The following CSRNP3 variants were observed in gnomAD, a reference collection of about 807,000 sequenced individuals.
CSRNP3 encodes the protein cysteine/serine-rich nuclear protein 3.
Under a neutral mutation model 48.0 loss-of-function variants are expected in CSRNP3, and 12 were observed. The observed-to-expected ratio is 0.25, with a 90% CI of 0.16 to 0.41. The LOEUF (loss-of-function observed/expected upper bound fraction) is 0.41. Among genes scored for constraint, CSRNP3 ranks in the 10% least tolerant of loss-of-function variants. The pLI is 1.00. For synonymous variants in CSRNP3, 263 were observed against 269.7 expected (o/e 0.98, Z 0.24); for missense variants, 580 against 724.4 (o/e 0.80, Z 2.29).
chr2:165,471,198 A>G (rs1365902571), intron 1 of CSRNP3, among the ~76,000 whole-genome samples: 1 of 152,074 alleles, frequency 6.6e-6, no homozygotes, highest in Non-Finnish European at 1.5e-5. Context: ...GTTAAGTGTC[A>G]TAATGAACCA....
At position 165,494,886 on chromosome 2, in the gene CSRNP3, G is replaced by T; in HGVS notation, c.-155G>T. ...AAGTTTTCAGCTGTGACAGTACTGA[G>T]AGTGTTGATAGTGTCAATCGTTCAG... On this transcript the variant is annotated 5_prime_UTR_variant, in exon 2 of 7. Transcript: ENST00000651982. 6.1e-6 allele frequency: 1 copy of T among 163,666 alleles called. No individual in the cohort carries two copies. Among genetic ancestry groups the T allele is most frequent in the South Asian group, 1.8e-4 (1 of 5,542 alleles). 10.1% of individuals were successfully genotyped at this position (163,666 alleles called of 1,614,324 possible).
At chr2:165,561,851 G>T (rs1405133978) in intron 3 of CSRNP3, among the ~76,000 whole-genome samples, 3 of 151,972 alleles carry the variant, frequency 2.0e-5, no homozygotes, top group African/African-American at 7.2e-5. Flanking sequence ...ATGGGCAGGG[G>T]ATTCTCATTA....
intron 3 of CSRNP3, among the ~76,000 whole-genome samples, chr2:165,551,637 AT>A (rs1359588173): frequency 6.6e-6 from 1 of 152,222 alleles, no homozygotes; most frequent in African/African-American, 2.4e-5. Flanking sequence ...ACAAAGTTGT[AT>A]TCCCAGAGGA....
chr2:165,644,945 G>C lies in CSRNP3; in HGVS notation c.149-12816G>C, dbSNP rs1254346800. Among the ~76,000 whole-genome samples the C allele has an allele frequency of 2.0e-5, 3 of 152,226 alleles. No homozygotes were observed. The East Asian group carries it at 5.8e-4, about 29-fold the overall frequency. ...AAGTTCAAGGGCACCAGTAGATCTGGTGTCTGGTAAGGGTCCACTTCTCAT... is the reference window on the plus strand; with the variant it reads ...AAGTTCAAGGGCACCAGTAGATCTGCTGTCTGGTAAGGGTCCACTTCTCAT... On this transcript the variant is annotated intron_variant, in intron 4 of 6. Transcript: ENST00000651982.
chr2:165,649,400 A>T (rs192614299), intron 4 of CSRNP3, among the ~76,000 whole-genome samples: 1 of 152,210 alleles, frequency 6.6e-6, no homozygotes, highest in African/African-American at 2.4e-5. Context: ...AGCTAAATGG[A>T]TATGCTACCT....
chr2:165,634,113 C>A (rs565280277), intron 4 of CSRNP3, among the ~76,000 whole-genome samples: 1 of 152,126 alleles, frequency 6.6e-6, no homozygotes, highest in South Asian at 2.1e-4. Context: ...CCAAGGCAGG[C>A]GGATCTCTTG....
intron 5 of CSRNP3, among the ~76,000 whole-genome samples, chr2:165,667,140 AGAG>A (rs1687248094): frequency 6.6e-6 from 1 of 150,746 alleles, no homozygotes; most frequent in African/African-American, 2.4e-5. Context: ...AGAAAGAGAG[AGAG>A]AAAAGGAAGG....
intron 3 of CSRNP3, among the ~76,000 whole-genome samples, chr2:165,528,834 A>G (rs1169607171): frequency 1.3e-5 from 2 of 152,204 alleles, no homozygotes; most frequent in Non-Finnish European, 2.9e-5. Flanking sequence ...CTGGGCCTGC[A>G]TGCTCCATGG....
intron 4 of CSRNP3, among the ~76,000 whole-genome samples, chr2:165,624,368 A>C (rs1327696849): frequency 6.6e-6 from 1 of 152,248 alleles, no homozygotes; most frequent in East Asian, 1.9e-4. Flanking sequence ...GAATCGCCAA[A>C]GAGGGCTTCC....
chr2:165,578,800 C>T (rs986562943), intron 3 of CSRNP3, among the ~76,000 whole-genome samples: 2 of 151,946 alleles, frequency 1.3e-5, no homozygotes, highest in African/African-American at 4.8e-5. Flanking sequence ...CAAGCTATAT[C>T]GTGGAATGTG....
At chr2:165,630,199 A>T (rs941038461) in intron 4 of CSRNP3, among the ~76,000 whole-genome samples, 2 of 152,190 alleles carry the variant, frequency 1.3e-5, no homozygotes, top group Non-Finnish European at 2.9e-5. Context: ...CTGCCTGAAA[A>T]AATAAATTCT....
chr2:165,485,174 C>T (rs1338599684), intron 1 of CSRNP3, among the ~76,000 whole-genome samples: 1 of 151,968 alleles, frequency 6.6e-6, no homozygotes, highest in East Asian at 1.9e-4. Flanking sequence ...TATTTTTTTC[C>T]ACCTTACTTT....
chr2:165,476,937 T>A (rs1328285251), intron 1 of CSRNP3, among the ~76,000 whole-genome samples: 1 of 152,172 alleles, frequency 6.6e-6, no homozygotes, highest in Admixed American at 6.5e-5. Flanking sequence ...AGCAAAATAA[T>A]CCTCAGTATT....
intron 5 of CSRNP3, among the ~76,000 whole-genome samples, chr2:165,666,344 GAGAA>G (rs1304532703): frequency 4.1e-5 from 5 of 121,414 alleles, no homozygotes; most frequent in Non-Finnish European, 7.2e-5. Context: ...GAAAGAGAGA[GAGAA>G]AGGAAGGAAG....
At chr2:165,487,661 AT>A (rs1353439658) in intron 1 of CSRNP3, among the ~76,000 whole-genome samples, 1 of 144,564 alleles carries the variant, frequency 6.9e-6, no homozygotes, top group Non-Finnish European at 1.5e-5. Context: ...AAAGAAAAGA[AT>A]TTTCAACCCA....
intron 2 of CSRNP3, among the ~76,000 whole-genome samples, chr2:165,495,662 A>G (rs1056740184): frequency 6.6e-6 from 1 of 152,106 alleles, no homozygotes; most frequent in South Asian, 2.1e-4. Context: ...TCTCAAAATT[A>G]TATTTCAGAA....
At chr2:165,479,122 C>T (rs181528078) in intron 1 of CSRNP3, among the ~76,000 whole-genome samples, 1 of 152,160 alleles carries the variant, frequency 6.6e-6, no homozygotes, top group African/African-American at 2.4e-5. Context: ...CCAAAAATCA[C>T]AAATGAAATG....
At chr2:165,508,970 T>C (rs1252785242) in intron 2 of CSRNP3, among the ~76,000 whole-genome samples, 1 of 152,176 alleles carries the variant, frequency 6.6e-6, no homozygotes, top group African/African-American at 2.4e-5. Flanking sequence ...AGACAGACAT[T>C]TATGGACTAA....
intron 3 of CSRNP3, chr2:165,567,043 C>T (rs917364248): frequency 4.6e-5 from 7 of 151,958 alleles, no homozygotes; most frequent in African/African-American, 1.2e-4. Flanking sequence ...TTTCTTATGC[C>T]TTGACCCCAA....
Sources: gnomAD v4.1 joint callset for allele counts (sites outside exome capture counted in the v4.1 genomes callset) on GRCh38, gnomAD v4.1.1 for gene constraint, MANE v1.5 for transcripts, NCBI Gene and HGNC (gene_info 2026-07-23, HGNC 2026-07-21) for gene names.